Variants in BCHE observed in about 807,000 individuals in gnomAD.
The protein encoded by BCHE is butyrylcholinesterase, also known as cholinesterase.
Under a neutral mutation model 51.3 loss-of-function variants are expected in BCHE, and 48 were observed. The ratio of observed to expected loss-of-function variants is 0.94; its 90% CI spans 0.74 to 1.19. BCHE has a LOEUF of 1.19. Among genes scored for constraint, BCHE ranks in the 50% most tolerant of loss-of-function variants. The pLI is 0.00. For synonymous variants in BCHE, 251 were observed against 238.0 expected, an observed-to-expected ratio of 1.05 and a Z score of -0.50; for missense variants, 847 against 708.2, an observed-to-expected ratio of 1.20 and a Z score of -2.23.
intron 2 of BCHE, among the ~76,000 whole-genome samples, chr3:165,795,626 C>T (rs899311827): frequency 6.6e-6 from 1 of 152,090 alleles, no homozygotes; most frequent in Non-Finnish European, 1.5e-5. Context: ...TACCGAAGAA[C>T]AATTCCCTAG....
At chr3:165,798,395 C>T (rs1354577288) in intron 2 of BCHE, among the ~76,000 whole-genome samples, 1 of 152,034 alleles carries the variant, frequency 6.6e-6, no homozygotes, top group Non-Finnish European at 1.5e-5. Flanking sequence ...GAAGAATATA[C>T]TTTAAAAAAC....
chr3:165,834,041 G>C (rs1397942085), intron 1 of BCHE, among the ~76,000 whole-genome samples: 1 of 151,832 alleles, frequency 6.6e-6, no homozygotes, highest in South Asian at 2.1e-4. Context: ...ATAAATTTTG[G>C]TCTCTGATAG....
intron 2 of BCHE, among the ~76,000 whole-genome samples, chr3:165,827,719 T>C (rs1714779917): frequency 6.6e-6 from 1 of 152,052 alleles, no homozygotes. Flanking sequence ...TAAAAACATA[T>C]ATAAATGATG....
chr3:165,825,881 T>C (rs1473238322), intron 2 of BCHE, among the ~76,000 whole-genome samples: 1 of 152,048 alleles, frequency 6.6e-6, no homozygotes, highest in Admixed American at 6.6e-5. Flanking sequence ...CAATGACCAG[T>C]AAGCATAAGA....
At chr3:165,786,353 T>C (rs1289769904) in intron 2 of BCHE, 42 bp from the exon 3 acceptor site, 1 of 1,523,652 alleles carries the variant, frequency 6.6e-7, no homozygotes, top group South Asian at 1.2e-5. Flanking sequence ...ATTGAAATCA[T>C]TGTTAGATTA....
At chr3:165,826,292 A>G (rs1714718740) in intron 2 of BCHE, among the ~76,000 whole-genome samples, 1 of 152,180 alleles carries the variant, frequency 6.6e-6, no homozygotes, top group African/African-American at 2.4e-5. Flanking sequence ...AATCATCCAT[A>G]GGAAATAGCA....
intron 2 of BCHE, among the ~76,000 whole-genome samples, chr3:165,804,990 A>C (rs935467381): frequency 6.6e-6 from 1 of 152,226 alleles, no homozygotes; most frequent in African/African-American, 2.4e-5. Flanking sequence ...AAATGTTTAC[A>C]AGATTTTTAG....
At chr3:165,820,424 G>C (rs1714472222) in intron 2 of BCHE, among the ~76,000 whole-genome samples, 1 of 151,632 alleles carries the variant, frequency 6.6e-6, no homozygotes, top group Non-Finnish European at 1.5e-5. Flanking sequence ...TACTACAGTT[G>C]GCATTTTTGC....
intron 2 of BCHE, among the ~76,000 whole-genome samples, chr3:165,794,354 C>T (rs1375163426): frequency 6.6e-6 from 1 of 152,144 alleles, no homozygotes; most frequent in Non-Finnish European, 1.5e-5. Flanking sequence ...CATACTCACA[C>T]ATATACACAA....
rs559882786 is a variant in BCHE, at chr3:165,785,603, A to G, written c.1684+542T>C. 2.9e-3 allele frequency among the ~76,000 whole-genome samples: 444 copies of G among 151,804 alleles called. 3 individuals are homozygous for G. The highest frequency in any genetic ancestry group is 1.5e-3 in the Non-Finnish European group (102 of 67,710). ...AATATGTAATATTATATCATATCAT[A>G]TTATGTAATGTGCGTGTGTGCTCTT... On this transcript the variant is annotated intron_variant, in intron 3 of 3. Transcript: ENST00000264381.
At chr3:165,828,283 T>G (rs1460464581) in intron 2 of BCHE, among the ~76,000 whole-genome samples, 1 of 152,152 alleles carries the variant, frequency 6.6e-6, no homozygotes, top group Non-Finnish European at 1.5e-5. Context: ...AAGGTGCAGT[T>G]AAACTCAGAA....
chr3:165,780,456 CATCA>C, intron 3 of BCHE, among the ~76,000 whole-genome samples: 1 of 152,276 alleles, frequency 6.6e-6, no homozygotes, highest in Non-Finnish European at 1.5e-5. Context: ...AATAAACTAT[CATCA>C]GAGTGAACAG....
chr3:165,814,729 G>A, intron 2 of BCHE, among the ~76,000 whole-genome samples: 1 of 151,854 alleles, frequency 6.6e-6, no homozygotes, highest in Non-Finnish European at 1.5e-5. Context: ...TTTGTTCCTT[G>A]GGGCTACTTC....
At chr3:165,824,866 A>G (rs979865041) in intron 2 of BCHE, among the ~76,000 whole-genome samples, 2 of 152,032 alleles carry the variant, frequency 1.3e-5, no homozygotes, top group Non-Finnish European at 2.9e-5. Context: ...AAGGTATACC[A>G]TATTCATGGA....
intron 1 of BCHE, among the ~76,000 whole-genome samples, chr3:165,832,365 T>TCA (rs1715021885): frequency 6.6e-6 from 1 of 151,834 alleles, no homozygotes; most frequent in Non-Finnish European, 1.5e-5. Flanking sequence ...TGATCTCGGC[T>TCA]CACTGCAACC....
chr3:165,792,245 A>G (rs1423924217), intron 2 of BCHE, among the ~76,000 whole-genome samples: 1 of 152,074 alleles, frequency 6.6e-6, no homozygotes, highest in Non-Finnish European at 1.5e-5. Context: ...ATTAGACAAT[A>G]TTACTTCAAG....
intron 2 of BCHE, among the ~76,000 whole-genome samples, chr3:165,799,076 A>G (rs1000059265): frequency 2.0e-5 from 3 of 152,172 alleles, no homozygotes; most frequent in African/African-American, 7.2e-5. Context: ...CATCTGACAG[A>G]TAACTTAGAA....
In BCHE at chr3:165,786,278, G is replaced by C; in HGVS notation, c.1551C>G (p.Ser517Arg). 1 of 1,611,804 alleles carries C rather than the reference G, an allele frequency of 6.2e-7. No homozygotes were observed. Among genetic ancestry groups the C allele is most frequent in the Non-Finnish European group, 8.5e-7 (1 of 1,178,472 alleles). ...GTTCAGTGCTTTTGAAGACAGGCCA[G>C]CTTGTGCTATTGTTCTGAGTCTCAT... ...NPNETQNNST[S>R]WPVFKSTEQK... is the part of the protein sequence containing the mutation. The change falls in exon 3 of 4, where the codon AGC becomes AGG. Residue 517 changes from serine (S) to arginine (R), a missense_variant. By Grantham distance (110) the Ser-to-Arg change is moderately radical (BLOSUM62 -1). Transcript: ENST00000264381.
chr3:165,821,427 G>T (rs1448379811), intron 2 of BCHE, among the ~76,000 whole-genome samples: 3 of 150,690 alleles, frequency 2.0e-5, no homozygotes, highest in South Asian at 4.2e-4. Context: ...AACATGGAAT[G>T]ATTCCAATTA....
Sources: allele counts gnomAD v4.1 joint callset (sites outside exome capture counted in the v4.1 genomes callset), GRCh38; gene constraint gnomAD v4.1.1; transcripts MANE v1.5; gene names NCBI Gene and HGNC (gene_info 2026-07-23, HGNC 2026-07-21).